Variants in TUSC3 observed in about 807,000 individuals in gnomAD.
TUSC3 encodes tumor suppressor candidate 3.
TUSC3 carries 45 observed loss-of-function variants against 44.8 expected under a neutral mutation model. The observed-to-expected ratio is 1.00, with a 90% confidence interval of 0.79 to 1.29. The LOEUF is 1.29. Among genes scored for constraint, TUSC3 ranks in the 50% most tolerant of loss-of-function variants. The pLI, the probability that TUSC3 is intolerant of heterozygous loss-of-function variation, is 0.00. For missense variants in TUSC3, 519 were observed against 437.9 expected (o/e 1.19, Z -1.65); for synonymous variants, 212 against 152.9 (o/e 1.39, Z -2.85).
intron 1 of TUSC3, among the ~76,000 whole-genome samples, chr8:15,583,860 TA>T (rs1316010768): frequency 6.6e-6 from 1 of 152,216 alleles, no homozygotes; most frequent in Admixed American, 6.5e-5. Flanking sequence ...CTTATTTTAT[TA>T]GAGATCTTTC....
intron 1 of TUSC3, among the ~76,000 whole-genome samples, chr8:15,481,089 A>C (rs1800653496): frequency 6.6e-6 from 1 of 152,046 alleles, no homozygotes; most frequent in South Asian, 2.1e-4. Context: ...CTCTACTAAA[A>C]AATACAAAAA....
chr8:15,648,522 C>T (rs1375207487), intron 2 of TUSC3, among the ~76,000 whole-genome samples: 1 of 151,430 alleles, frequency 6.6e-6, no homozygotes, highest in Non-Finnish European at 1.5e-5. Context: ...GTCAGGAGAT[C>T]GAGACCATCC....
chr8:15,813,512 A>G, the TUSC3 span, among the ~76,000 whole-genome samples: 1 of 152,236 alleles, frequency 6.6e-6, no homozygotes, highest in Non-Finnish European at 1.5e-5. Context: ...CGAGGTAATC[A>G]TAACCACCTT....
chr8:15,724,065 C>G (rs1782452277), intron 6 of TUSC3, among the ~76,000 whole-genome samples: 1 of 152,084 alleles, frequency 6.6e-6, no homozygotes, highest in Admixed American at 6.6e-5. Context: ...GGTCCCTAAT[C>G]TGATTGGATT....
At chr8:15,832,795 G>A in the TUSC3 span, among the ~76,000 whole-genome samples, 1 of 152,108 alleles carries the variant, frequency 6.6e-6, no homozygotes, top group African/African-American at 2.4e-5. Flanking sequence ...AGTTCTTAGA[G>A]ACCTTTAAAG....
At position 15,660,521 on chromosome 8, in the gene TUSC3, G is replaced by C. The variant is rs2729621; in HGVS notation, c.567+874G>C. Among the ~76,000 whole-genome samples the C allele has an allele frequency of 5.8e-3, 884 of 151,998 alleles. 9 individuals are homozygous for C. Among genetic ancestry groups the C allele is most frequent in the African/African-American group, 0.02 (825 of 41,520 alleles). ...TTTCTCTATTCTCACAACTACTTTTGACAGTAAACAATTGGAGCCAGTTAT... is the reference window on the plus strand; with the variant it reads ...TTTCTCTATTCTCACAACTACTTTTCACAGTAAACAATTGGAGCCAGTTAT... On this transcript the variant is annotated intron_variant, in intron 4 of 10. Transcript: ENST00000503731.
intron 9 of TUSC3, among the ~76,000 whole-genome samples, chr8:15,750,014 C>T (rs1333160012): frequency 1.4e-5 from 2 of 147,200 alleles, no homozygotes; most frequent in Non-Finnish European, 3.0e-5. Context: ...GAGTCTTGCT[C>T]TGTTGCCCAG....
chr8:15,560,566 G>T (rs1407578853), intron 1 of TUSC3, among the ~76,000 whole-genome samples: 1 of 145,482 alleles, frequency 6.9e-6, no homozygotes, highest in East Asian at 2.0e-4. Flanking sequence ...GCTAGATTGG[G>T]GAAGTTCTCC....
rs369765015 is a variant in TUSC3 at position 15,478,902 on chromosome 8, T to C, written n.92-4484T>C. 5.6e-4 allele frequency among the ~76,000 whole-genome samples: 85 copies of C among 152,310 alleles called. 1 individual carries two copies. The South Asian group carries it at 0.016, about 29-fold the overall frequency. ...AACTAATTTACATTCCCACCGATAG[T>C]GTAAAAGCATTCCTATTTCTCCACA... On this transcript the variant is annotated intron_variant and non_coding_transcript_variant, in intron 1 of 5. Transcript: ENST00000503191.
At chr8:15,516,114 C>G (rs1045210817) in intron 2 of TUSC3, among the ~76,000 whole-genome samples, 2 of 152,230 alleles carry the variant, frequency 1.3e-5, no homozygotes, top group African/African-American at 4.8e-5. Context: ...TTTATAGTTA[C>G]TCATTGTTAA....
At chr8:15,586,570 C>A (rs1427059252) in intron 1 of TUSC3, among the ~76,000 whole-genome samples, 1 of 152,124 alleles carries the variant, frequency 6.6e-6, no homozygotes, top group African/African-American at 2.4e-5. Flanking sequence ...ACACACACTT[C>A]TATCTAGATC....
the TUSC3 span, chr8:15,806,550 G>C: frequency 8.4e-6 from 12 of 1,435,018 alleles, no homozygotes; most frequent in South Asian, 8.0e-5. Flanking sequence ...AAATCACAGA[G>C]CTCTTCATTT....
the TUSC3 span, among the ~76,000 whole-genome samples, chr8:15,832,800 T>G: frequency 2.0e-5 from 3 of 152,022 alleles, no homozygotes; most frequent in Non-Finnish European, 4.4e-5. Context: ...TTAGAGACCT[T>G]TAAAGAGACT....
intron 10 of TUSC3, among the ~76,000 whole-genome samples, chr8:15,759,964 ATTACTTTTCTGTT>A (rs1375130696): frequency 6.6e-6 from 1 of 151,992 alleles, no homozygotes; most frequent in Non-Finnish European, 1.5e-5. Flanking sequence ...TTTGGCCTAC[ATTACTTTTCTGTT>A]CCCACAGTTG....
intron 6 of TUSC3, among the ~76,000 whole-genome samples, chr8:15,711,713 G>A (rs1176943305): frequency 6.6e-6 from 1 of 151,488 alleles, no homozygotes; most frequent in East Asian, 1.9e-4. Context: ...AACTTCTTGT[G>A]AACAATAGTA....
chr8:15,582,413 T>C (rs1803405426), intron 1 of TUSC3, among the ~76,000 whole-genome samples: 1 of 152,212 alleles, frequency 6.6e-6, no homozygotes, highest in African/African-American at 2.4e-5. Flanking sequence ...TTTACTGTTA[T>C]TGGAAATGGA....
chr8:15,671,938 A>G (rs1807964320), intron 5 of TUSC3, among the ~76,000 whole-genome samples: 1 of 152,008 alleles, frequency 6.6e-6, no homozygotes, highest in East Asian at 1.9e-4. Flanking sequence ...TCTAGAGTCC[A>G]GTAACATACC....
intron 9 of TUSC3, among the ~76,000 whole-genome samples, chr8:15,755,522 G>A (rs1300592924): frequency 1.3e-5 from 2 of 151,954 alleles, no homozygotes; most frequent in Non-Finnish European, 2.9e-5. Context: ...GCTTAGTTGG[G>A]CTCCTGGGTC....
At chr8:15,809,266 T>C in the TUSC3 span, among the ~76,000 whole-genome samples, 8 of 152,214 alleles carry the variant, frequency 5.3e-5, no homozygotes. Context: ...CAGGTCACAG[T>C]ATTTCCATAA....
Sources: allele counts gnomAD v4.1 joint callset (sites outside exome capture counted in the v4.1 genomes callset), GRCh38; gene constraint gnomAD v4.1.1; transcripts MANE v1.5; gene names NCBI Gene and HGNC (gene_info 2026-07-23, HGNC 2026-07-21).